Variants in NFRKB observed in about 807,000 individuals in gnomAD.
NFRKB encodes nuclear factor related to kappaB binding protein.
A neutral mutation model predicts 135.7 loss-of-function variants in NFRKB; 62 were observed. The ratio of observed to expected loss-of-function variants is 0.46; its 90% CI spans 0.37 to 0.56. The LOEUF (loss-of-function observed/expected upper bound fraction) is 0.56. Ranked by LOEUF, NFRKB falls within the 20% of genes least tolerant of loss-of-function variation. NFRKB has a pLI of 0.00. For missense variants in NFRKB, 1,545 were observed against 1,662.0 expected, an observed-to-expected ratio of 0.93 and a Z score of 1.22; for synonymous variants, 678 against 635.6, an observed-to-expected ratio of 1.07 and a Z score of -1.00.
intron 11 of NFRKB, 57 bp downstream of exon 11, chr11:129,882,029 C>T: frequency 1.3e-6 from 2 of 1,497,958 alleles, no homozygotes; most frequent in Non-Finnish European, 1.8e-6. Context: ...ATAGACCATT[C>T]AGGATTTGAA....
chr11:129,880,900 T>G (rs11221889), intron 13 of NFRKB, among the ~76,000 whole-genome samples: 53,049 of 152,036 alleles, frequency 0.35, 10,281 homozygotes, highest in East Asian at 0.46. Flanking sequence ...CCTGTGAATT[T>G]CAAGAAGAAA....
chr11:129,893,746 G>A (rs1357013030), intron 2 of NFRKB, among the ~76,000 whole-genome samples: 1 of 152,152 alleles, frequency 6.6e-6, no homozygotes, highest in Non-Finnish European at 1.5e-5. Flanking sequence ...GTAAGGTCAT[G>A]GGTTATTACA....
chr11:129,893,192 C>T, intron 2 of NFRKB: 1 of 718,136 alleles, frequency 1.4e-6, no homozygotes, highest in African/African-American at 1.8e-5. Context: ...CTATAATTTA[C>T]ACTTCCCAGA....
intron 24 of NFRKB, among the ~76,000 whole-genome samples, chr11:129,867,788 C>G (rs1356405318): frequency 1.3e-5 from 2 of 152,204 alleles, no homozygotes; most frequent in Admixed American, 6.5e-5. Context: ...ATACACACCC[C>G]TCTTCTGAAC....
intron 24 of NFRKB, among the ~76,000 whole-genome samples, chr11:129,866,927 C>T (rs547854522): frequency 1.3e-5 from 2 of 152,320 alleles, no homozygotes; most frequent in South Asian, 2.1e-4. Flanking sequence ...CCATGGGGTT[C>T]ACCCACAGCC....
chr11:129,889,118 C>T (rs547274737), intron 3 of NFRKB, among the ~76,000 whole-genome samples: 2 of 152,116 alleles, frequency 1.3e-5, no homozygotes, highest in Admixed American at 6.5e-5. Flanking sequence ...CGCACCACCA[C>T]GCCTGCCTAT....
chr11:129,864,893 G>A (rs996773864), intron 26 of NFRKB, 43 bp from the exon 27 acceptor site: 1 of 1,613,930 alleles, frequency 6.2e-7, no homozygotes, highest in Admixed American at 1.7e-5. Flanking sequence ...ATTGCAAGCG[G>A]GCTCACCAGT....
chr11:129,865,820 G>A, intron 25 of NFRKB, 57 bp downstream of exon 25: 5 of 1,518,020 alleles, frequency 3.3e-6, no homozygotes, highest in South Asian at 2.3e-5. Context: ...GGACTGGTAA[G>A]CCCTGCCTGC....
At chr11:129,867,477 C>T (rs980512656) in intron 24 of NFRKB, among the ~76,000 whole-genome samples, 1 of 152,000 alleles carries the variant, frequency 6.6e-6, no homozygotes, top group African/African-American at 2.4e-5. Context: ...CCACCACGCC[C>T]GGCTAATTTT....
intron 15 of NFRKB, among the ~76,000 whole-genome samples, chr11:129,877,679 G>T (rs1269121792): frequency 6.6e-6 from 1 of 152,036 alleles, no homozygotes; most frequent in Non-Finnish European, 1.5e-5. Context: ...CCGTTCTAAA[G>T]GCAACAAACA....
Position 129,873,734 on chromosome 11 carries a change from T to C in NFRKB, c.2550+11A>G. 1.9e-6 allele frequency: 3 copies of C among 1,608,128 alleles called. No homozygotes were observed. The highest frequency in any genetic ancestry group is 2.6e-6 in the Non-Finnish European group (3 of 1,174,918). ...TCTCTGCTTCCCAATGACCACGGCT[T>C]CCCTGTTTACCTGGGGCACTACTTT... On this transcript the variant is annotated intron_variant, in intron 22 of 26. Coordinates refer to ENST00000682444, the MANE Select transcript of NFRKB (RefSeq NM_001143835.2).
At chr11:129,876,501 C>A (rs1948771563) in intron 17 of NFRKB, among the ~76,000 whole-genome samples, 1 of 152,172 alleles carries the variant, frequency 6.6e-6, no homozygotes, top group Non-Finnish European at 1.5e-5. Flanking sequence ...CTGGGAGCAA[C>A]TCCTAAATGA....
intron 24 of NFRKB, among the ~76,000 whole-genome samples, chr11:129,867,537 G>C (rs535278347): frequency 6.6e-6 from 1 of 152,060 alleles, no homozygotes; most frequent in East Asian, 1.9e-4. Flanking sequence ...GGCTGGTCTC[G>C]AACTCCTGAC....
Position 129,866,067 on chromosome 11 carries a change from G to GTGCT in NFRKB, c.3532-85_3532-84insAGCA. 6 of 1,168,384 alleles carry GTGCT rather than the reference G, an allele frequency of 5.1e-6. No homozygotes were observed. The South Asian group carries it at 9.2e-5, about 18-fold the overall frequency. The allele number at this position is 1,168,384 out of a possible 1,614,324, so 72.4% of individuals were successfully genotyped here. The stretch of plus-strand genomic sequence containing the variant: ...TCACCTCCAGGGCATCAGGAACTGA[G>GTGCT]AAGCAAGCACTACAGATGCTGTCAG... On this transcript the variant is annotated intron_variant, in intron 24 of 26. Transcript: ENST00000682444.
chr11:129,872,801 C>T (rs1948577235), intron 23 of NFRKB, 83 bp downstream of exon 23: 17 of 1,346,992 alleles, frequency 1.3e-5, no homozygotes, highest in Admixed American at 2.2e-5. Flanking sequence ...CATGGGCATG[C>T]AGTCTGGCCA....
In NFRKB at chr11:129,874,669, G is replaced by T; in HGVS notation, c.1979-89C>A. On this transcript the variant is annotated intron_variant, in intron 19 of 26. Coordinates refer to ENST00000682444, the MANE Select transcript of NFRKB (RefSeq NM_001143835.2). The surrounding 1 kb of genome is among the most constrained non-coding windows in gnomAD (Gnocchi z 4.5). Reference sequence around the variant, plus strand: ...TGTTAAAAACCAACACCTTGCCAGTGGACTGAATCCTGCCTCTACCATCTT... The same window carrying T: ...TGTTAAAAACCAACACCTTGCCAGTTGACTGAATCCTGCCTCTACCATCTT... 6.2e-7 allele frequency: 1 copy of T among 1,601,096 alleles called. No individual in the cohort carries two copies. Among genetic ancestry groups the T allele is most frequent in the Non-Finnish European group, 8.5e-7 (1 of 1,171,004 alleles).
intron 8 of NFRKB, 27 bp from the exon 9 acceptor site, chr11:129,883,233 A>G (rs1949115250): frequency 1.2e-6 from 2 of 1,602,346 alleles, no homozygotes; most frequent in East Asian, 4.5e-5. Flanking sequence ...GAATTTGGTC[A>G]TGGAGGCCCA....
chr11:129,892,621 C>A, intron 3 of NFRKB, 94 bp downstream of exon 3: 2 of 1,357,862 alleles, frequency 1.5e-6, no homozygotes, highest in Admixed American at 1.9e-5. Flanking sequence ...AAAGGGAGCA[C>A]AAAAGACTGG....
In NFRKB at chr11:129,881,709, CAA is replaced by C; in HGVS notation, c.1318+16_1318+17del. On this transcript the variant is annotated intron_variant, in intron 12 of 26. Coordinates refer to ENST00000682444, the MANE Select transcript of NFRKB (RefSeq NM_001143835.2). ...AAAAGGGGGAAAAATACTGACCCTA[CAA>C]AAAAGAGCATCTTACCTCGACTTTC... 6 of 1,613,026 alleles carry C rather than the reference CAA, an allele frequency of 3.7e-6. No individual in the cohort carries two copies. The highest frequency in any genetic ancestry group is 5.1e-6 in the Non-Finnish European group (6 of 1,179,472).
Sources: allele counts gnomAD v4.1 joint callset (sites outside exome capture counted in the v4.1 genomes callset), GRCh38; gene constraint gnomAD v4.1.1; non-coding constraint Gnocchi (gnomAD v3.1); transcripts MANE v1.5; gene names NCBI Gene and HGNC (gene_info 2026-07-23, HGNC 2026-07-21).